ZNF558: variants seen among roughly 807,000 people sequenced by gnomAD.
ZNF558 encodes the protein zinc finger protein 558.
Under a neutral mutation model 37.6 loss-of-function variants are expected in ZNF558, and 23 were observed. The ratio of observed to expected loss-of-function variants is 0.61; its 90% confidence interval spans 0.44 to 0.87. The LOEUF (loss-of-function observed/expected upper bound fraction) is 0.87, where lower values mean the gene tolerates loss of function less well. Ranked by LOEUF, ZNF558 falls within the 40% of genes least tolerant of loss-of-function variation. ZNF558 has a pLI of 0.00. For missense variants in ZNF558, 429 were observed against 483.7 expected, an observed-to-expected ratio of 0.89 and a Z score of 1.06; for synonymous variants, 189 against 174.4, an observed-to-expected ratio of 1.08 and a Z score of -0.66.
rs758479703 is a variant in ZNF558 at position 8,832,264 on chromosome 19, T to C, written c.-648A>G. ...CGCCGACTCGCGGGGACGGAGGGAC[T>C]CGCTCCCCGCTGCCCCACGCGCGGC... On this transcript the variant is annotated 5_prime_UTR_variant, in exon 1 of 10. Coordinates refer to ENST00000601372, the MANE Select transcript of ZNF558 (RefSeq NM_144693.3). 1 of 151,954 alleles carries C rather than the reference T, an allele frequency of 6.6e-6. No homozygotes were observed. The highest frequency in any genetic ancestry group is 2.4e-5 in the African/African-American group (1 of 41,340). 9.4% of individuals were successfully genotyped at this position (151,954 alleles called of 1,614,324 possible).
intron 2 of ZNF558, among the ~76,000 whole-genome samples, chr19:8,829,715 C>A (rs1467496822): frequency 6.6e-6 from 1 of 152,044 alleles, no homozygotes; most frequent in African/African-American, 2.4e-5. Context: ...CTAGCAAACC[C>A]CTTGGTCCTG....
intron 2 of ZNF558, among the ~76,000 whole-genome samples, chr19:8,826,930 CT>C (rs2044245344): frequency 6.6e-6 from 1 of 152,164 alleles, no homozygotes; most frequent in Admixed American, 6.6e-5. Flanking sequence ...GAAGTATCTC[CT>C]TTTTCCCCGT....
chr19:8,828,124 C>A (rs2044273117), intron 2 of ZNF558, among the ~76,000 whole-genome samples: 2 of 152,208 alleles, frequency 1.3e-5, no homozygotes, highest in Non-Finnish European at 2.9e-5. Flanking sequence ...AAAGGAAAAT[C>A]CTGAAGTTCC....
chr19:8,821,441 CCTCCCAGGGTTCTGAGCTCCT>C lies in ZNF558; in HGVS notation c.121-156_121-136del, dbSNP rs547725310. 1,228 of 1,554,550 alleles carry C rather than the reference CCTCCCAGGGTTCTGAGCTCCT, an allele frequency of 7.9e-4. 5 individuals are homozygous for C. In the African/African-American group the frequency reaches 0.013, roughly 16 times the overall value. On this transcript the variant is annotated intron_variant, in intron 6 of 9. Coordinates refer to ENST00000601372, the MANE Select transcript of ZNF558 (RefSeq NM_144693.3). Reference sequence around the variant, plus strand: ...GTTGGGGGGGGTGGTTCTGAGCTCACCTCCCAGGGTTCTGAGCTCCTCTCCCAGGGTTCTGAGCTCCTCTCC... The same window carrying C: ...GTTGGGGGGGGTGGTTCTGAGCTCACCTCCCAGGGTTCTGAGCTCCTCTCC...
intron 1 of ZNF558, chr19:8,831,996 G>T (rs993033195): frequency 6.6e-6 from 1 of 152,344 alleles, no homozygotes. Flanking sequence ...GAATCGCCCC[G>T]GGTGAGGGCG....
chr19:8,826,543 G>A (rs748262823), intron 2 of ZNF558, among the ~76,000 whole-genome samples: 4 of 152,160 alleles, frequency 2.6e-5, no homozygotes, highest in Middle Eastern at 3.4e-3. Context: ...TATGAGAATC[G>A]AATGCTGCCA....
Position 8,821,197 on chromosome 19 carries a change from C to T in ZNF558, c.230G>A (p.Arg77Lys), listed in dbSNP as rs2044078904. The T allele has an allele frequency of 6.2e-7, 1 of 1,613,934 alleles. No homozygotes were observed. The highest frequency in any genetic ancestry group is 1.3e-5 in the African/African-American group (1 of 74,906). The stretch of plus-strand genomic sequence containing the variant: ...AGGCTTACCTAGTGAGGCCAGGTTC[C>T]TGCAGTTCTCCAGCATCACATCCCT... Reference protein sequence around the residue: ...LYRDVMLENCRNLASLGCRVN... With the variant: ...LYRDVMLENCKNLASLGCRVN... The change falls in exon 7 of 10, where the codon AGG (arginine) becomes AAG (lysine). Residue 77 changes from arginine to lysine, a missense_variant. By Grantham distance (26) the Arg-to-Lys change is conservative. Transcript: ENST00000601372.
rs1356907363 is a variant in ZNF558, at chr19:8,822,738, G to T, written c.-65-14C>A. ...TCCCGCAGCGCTCTGGAAGAAACGG[G>T]AATGCTCCAAGTCTCCGTGGCCTCC... is the stretch of plus-strand genomic sequence containing the variant. On this transcript the variant is annotated splice_polypyrimidine_tract_variant and intron_variant, in intron 4 of 9. Coordinates refer to ENST00000601372, the MANE Select transcript of ZNF558 (RefSeq NM_144693.3). This position sits in a 1 kb window ranked among gnomAD's most constrained non-coding sequence, Gnocchi z 4.4. 6.8e-6 allele frequency: 11 copies of T among 1,610,234 alleles called. No homozygotes were observed. Among genetic ancestry groups the T allele is most frequent in the Non-Finnish European group, 9.3e-6 (11 of 1,177,974 alleles).
At position 8,811,332 on chromosome 19, in the gene ZNF558, T is replaced by A; in HGVS notation, c.1158A>T (p.Thr386=). 2 of 1,610,462 alleles carry A rather than the reference T, an allele frequency of 1.2e-6. No homozygotes were observed. The highest frequency in any genetic ancestry group is 2.7e-5 in the African/African-American group (2 of 74,866). The part of the protein sequence containing the change: ...YECNHCGKSF[T]SNSYLSVHKR... ...TGTGCACAGAAAGATAGGAGTTACT[T>A]GTGAAGGATTTCCCACAATGATTAC... Residue 386 remains threonine (T), a synonymous_variant, in exon 10 of 10, where the codon ACA becomes ACT. Coordinates refer to ENST00000601372, the MANE Select transcript of ZNF558 (RefSeq NM_144693.3).
chr19:8,828,312 G>C (rs1029144423), intron 2 of ZNF558, among the ~76,000 whole-genome samples: 12 of 152,180 alleles, frequency 7.9e-5, no homozygotes, highest in Admixed American at 6.5e-4. Flanking sequence ...GCCTTTCAGA[G>C]GCTGGGACTC....
upstream of ZNF558, among the ~76,000 whole-genome samples, chr19:8,832,776 G>A (rs549550242): frequency 9.2e-5 from 14 of 151,458 alleles, no homozygotes; most frequent in South Asian, 1.5e-3. Context: ...CCAGTTACAG[G>A]GGTGGAGACC....
At chr19:8,829,217 A>G (rs560348309) in intron 2 of ZNF558, among the ~76,000 whole-genome samples, 5 of 151,842 alleles carry the variant, frequency 3.3e-5, no homozygotes, top group African/African-American at 1.2e-4. Flanking sequence ...CTGAGATTGC[A>G]ACACAGTACT....
At chr19:8,816,695 T>G (rs1170686227) in intron 7 of ZNF558, among the ~76,000 whole-genome samples, 1 of 152,102 alleles carries the variant, frequency 6.6e-6, no homozygotes, top group Non-Finnish European at 1.5e-5. Flanking sequence ...TAATGGAGAG[T>G]AACTTGAATC....
chr19:8,837,905 C>T, the ZNF558 span, among the ~76,000 whole-genome samples: 37 of 152,116 alleles, frequency 2.4e-4, no homozygotes, highest in African/African-American at 8.7e-4. Flanking sequence ...ATGGAGCAGG[C>T]AGAGTTCCTT....
In ZNF558 at chr19:8,822,867, G is replaced by A. The variant is rs567699622; in HGVS notation, c.-65-143C>T. 2 of 735,504 alleles carry A rather than the reference G, an allele frequency of 2.7e-6. No individual in the cohort carries two copies. The highest frequency in any genetic ancestry group is 2.8e-5 in the East Asian group (1 of 36,050). 45.6% of individuals were successfully genotyped at this position (735,504 alleles called of 1,614,324 possible). A position where few individuals can be genotyped will look rare whatever the true frequency, so the allele number is the denominator to read the frequency against. On this transcript the variant is annotated intron_variant, in intron 4 of 9. Transcript: ENST00000601372. The surrounding 1 kb of genome is among the most constrained non-coding windows in gnomAD (Gnocchi z 4.4). ...CACTGGGCCTTTATTTTGCTGAGCAGGCAATGAATTCAGGGCCACCTGATG... is the reference window on the plus strand; with the variant it reads ...CACTGGGCCTTTATTTTGCTGAGCAAGCAATGAATTCAGGGCCACCTGATG...
intron 2 of ZNF558, among the ~76,000 whole-genome samples, chr19:8,827,571 CT>C (rs386388513): frequency 0.034 from 3,178 of 93,566 alleles, 57 homozygotes; most frequent in African/African-American, 0.11. Context: ...TTTCCCTATT[CT>C]TTTTTTTTTT....
chr19:8,817,496 A>C (rs2145220566), intron 7 of ZNF558, among the ~76,000 whole-genome samples: 1 of 151,856 alleles, frequency 6.6e-6, no homozygotes, highest in Middle Eastern at 3.4e-3. Flanking sequence ...AGGCTAACTT[A>C]TGATGTTCAG....
At chr19:8,823,302 A>C in intron 4 of ZNF558, among the ~76,000 whole-genome samples, 1 of 147,028 alleles carries the variant, frequency 6.8e-6, no homozygotes, top group Non-Finnish European at 1.5e-5. Context: ...TTTTTCTCTC[A>C]CCGCATGTCC....
At chr19:8,813,681 T>C (rs1350169742) in intron 7 of ZNF558, among the ~76,000 whole-genome samples, 1 of 152,214 alleles carries the variant, frequency 6.6e-6, no homozygotes, top group Non-Finnish European at 1.5e-5. Context: ...ACCTTAATTC[T>C]AGTGCATATG....
Sources: gnomAD v4.1 joint callset for allele counts (sites outside exome capture counted in the v4.1 genomes callset) on GRCh38, gnomAD v4.1.1 for gene constraint, Gnocchi (gnomAD v3.1) non-coding constraint, MANE v1.5 for transcripts, NCBI Gene and HGNC (gene_info 2026-07-23, HGNC 2026-07-21) for gene names.